MSN: variants seen among roughly 807,000 people sequenced by gnomAD.
The protein encoded by MSN is epididymis luminal protein 70.
In MSN, 2 loss-of-function variants were observed where a neutral mutation model predicts 48.0. The observed-to-expected ratio is 0.04, with a 90% CI of 0.02 to 0.13. The LOEUF is 0.13. Ranked by LOEUF, MSN falls within the 10% of genes least tolerant of loss-of-function variation. MSN has a pLI of 1.00. For synonymous variants in MSN, 146 were observed against 166.9 expected (o/e 0.87, Z 0.97); for missense variants, 267 against 470.1 (o/e 0.57, Z 3.99).
chrX:65,654,033 C>T lies in MSN; in HGVS notation c.-21-62785C>T, dbSNP rs533202299. On this transcript the variant is annotated intron_variant, in intron 1 of 3. Transcript: ENST00000609672. ...TCAGGTGATCCGCCTGCCTCGGCCT[C>T]CCAGTGTGCTGGGATTACATGCGTG... 5.9e-4 allele frequency among the ~76,000 whole-genome samples: 65 copies of T among 109,715 alleles called. No individual in the cohort carries two copies. The South Asian group carries it at 6.7e-3, about 11-fold the overall frequency.
intron 1 of MSN, among the ~76,000 whole-genome samples, chrX:65,689,788 A>G: frequency 8.9e-6 from 1 of 112,288 alleles, no homozygotes; most frequent in Middle Eastern, 4.6e-3. Context: ...CCTTTAGAGA[A>G]AGGAAAAGTT....
chrX:65,701,352 C>G (rs932710819), intron 1 of MSN, among the ~76,000 whole-genome samples: 10 of 111,678 alleles, frequency 9.0e-5, no homozygotes, highest in African/African-American at 3.3e-4. Flanking sequence ...AAGTCTCCTC[C>G]TCTTCCTGCC....
At chrX:65,633,791 C>T (rs2070577446) in intron 1 of MSN, among the ~76,000 whole-genome samples, 1 of 112,096 alleles carries the variant, frequency 8.9e-6, no homozygotes, top group South Asian at 3.7e-4. Context: ...CTTTCTCACA[C>T]TTGTATTTTT....
At chrX:65,641,423 G>A (rs1269232535) in intron 1 of MSN, among the ~76,000 whole-genome samples, 25 of 100,099 alleles carry the variant, frequency 2.5e-4, no homozygotes, top group South Asian at 4.9e-4. Context: ...CCAGCTACTC[G>A]GGAGGCTGAG....
chrX:65,608,270 A>G (rs1436819369), intron 1 of MSN, among the ~76,000 whole-genome samples: 1 of 111,450 alleles, frequency 9.0e-6, no homozygotes, highest in Non-Finnish European at 1.9e-5. Flanking sequence ...GGAGAGGAGG[A>G]GAAAGGGAGG....
At chrX:65,676,248 A>G (rs2070997645) in intron 1 of MSN, among the ~76,000 whole-genome samples, 2 of 111,698 alleles carry the variant, frequency 1.8e-5, no homozygotes, top group African/African-American at 3.3e-5. Flanking sequence ...CTTTTGGGCG[A>G]CTTTCAAAGC....
intron 1 of MSN, among the ~76,000 whole-genome samples, chrX:65,645,372 G>A (rs1447308130): frequency 9.0e-6 from 1 of 110,824 alleles, no homozygotes; most frequent in Non-Finnish European, 1.9e-5. Flanking sequence ...CCTACTCCCA[G>A]GTCTCGATAG....
chrX:65,643,690 G>C (rs1402141533), intron 1 of MSN, among the ~76,000 whole-genome samples: 1 of 111,620 alleles, frequency 9.0e-6, no homozygotes, highest in Non-Finnish European at 1.9e-5. Context: ...GAGAAGCCTA[G>C]TTAGATGTAA....
rs1056533373 is a variant in MSN at position 65,691,662 on chromosome X, G to A, written c.12+23809G>A. Among the ~76,000 whole-genome samples the A allele has an allele frequency of 2.7e-5, 3 of 110,485 alleles. No homozygotes were observed. In the Admixed American group the frequency reaches 2.9e-4, roughly 11 times the overall value. ...TGGGATTCCAGGTGCCCGCCTCCAC[G>A]CCTGGTTAATTTTTTGTATTTTTAG... On this transcript the variant is annotated intron_variant, in intron 1 of 12. Coordinates refer to ENST00000360270, the MANE Select transcript of MSN (RefSeq NM_002444.3).
chrX:65,693,909 C>T (rs965389730), intron 1 of MSN, among the ~76,000 whole-genome samples: 14 of 110,431 alleles, frequency 1.3e-4, no homozygotes, highest in Non-Finnish European at 2.5e-4. Flanking sequence ...AAAAATTAGC[C>T]GGGCATGGTG....
chrX:65,692,957 A>C (rs976275020), intron 1 of MSN, among the ~76,000 whole-genome samples: 1 of 112,289 alleles, frequency 8.9e-6, no homozygotes, highest in African/African-American at 3.2e-5. Flanking sequence ...TTTAAAAAAG[A>C]AAAAAGAATA....
Position 65,740,188 on chromosome X carries a change from T to C in MSN, c.*295T>C. On this transcript the variant is annotated 3_prime_UTR_variant, in exon 13 of 13. Transcript: ENST00000360270. The stretch of plus-strand genomic sequence containing the variant: ...CAGCCTAGAGGTACTTTCCACTTGA[T>C]TTTGCAAATGCCCTTACACTTACTG... 1 of 271,077 alleles carries C rather than the reference T, an allele frequency of 3.7e-6. No individual in the cohort carries two copies. Among genetic ancestry groups the C allele is most frequent in the Non-Finnish European group, 6.6e-6 (1 of 151,107 alleles). The allele number at this position is 271,077 out of a possible 1,213,427, so 22.3% of individuals were successfully genotyped here.
chrX:65,687,496 C>G (rs983262995), intron 1 of MSN, among the ~76,000 whole-genome samples: 3 of 112,175 alleles, frequency 2.7e-5, no homozygotes, highest in African/African-American at 9.7e-5. Flanking sequence ...CAAACGTGTC[C>G]TAAAAGTTTC....
At chrX:65,644,500 T>A (rs1049585156) in intron 1 of MSN, among the ~76,000 whole-genome samples, 1 of 111,590 alleles carries the variant, frequency 9.0e-6, no homozygotes, top group Non-Finnish European at 1.9e-5. Flanking sequence ...ACCAACCACC[T>A]CTCTGACCCC....
chrX:65,618,383 T>C (rs1024073596), intron 1 of MSN, among the ~76,000 whole-genome samples: 1 of 111,534 alleles, frequency 9.0e-6, no homozygotes, highest in Non-Finnish European at 1.9e-5. Context: ...TTATGAATCT[T>C]GGTGCTCATG....
intron 1 of MSN, among the ~76,000 whole-genome samples, chrX:65,658,784 G>C (rs1050124041): frequency 1.8e-5 from 2 of 111,523 alleles, no homozygotes; most frequent in East Asian, 5.6e-4. Context: ...CTTGAGCTTG[G>C]ACATAGACTT....
chrX:65,723,110 C>A (rs1206628987), intron 2 of MSN, among the ~76,000 whole-genome samples: 3 of 111,578 alleles, frequency 2.7e-5, no homozygotes, highest in Non-Finnish European at 5.6e-5. Context: ...GAGTAGAATA[C>A]ACAACCTCCA....
chrX:65,662,823 A>G (rs1363824454), upstream of MSN, among the ~76,000 whole-genome samples: 1 of 112,672 alleles, frequency 8.9e-6, no homozygotes, highest in East Asian at 2.8e-4. Context: ...GCACAGCAAA[A>G]GAAACTATCA....
At chrX:65,678,479 G>T (rs2071023834) in intron 1 of MSN, among the ~76,000 whole-genome samples, 1 of 111,671 alleles carries the variant, frequency 9.0e-6, no homozygotes, top group Non-Finnish European at 1.9e-5. Flanking sequence ...TCAGAGTGTG[G>T]GGGTGGGATG....
Sources: gnomAD v4.1 joint callset for allele counts (sites outside exome capture counted in the v4.1 genomes callset) on GRCh38, gnomAD v4.1.1 for gene constraint, MANE v1.5 for transcripts, NCBI Gene and HGNC (gene_info 2026-07-23, HGNC 2026-07-21) for gene names.